The following EN2 variants were observed in gnomAD, a reference collection of about 807,000 sequenced individuals.
EN2 encodes homeobox protein engrailed-2.
In EN2, 7 loss-of-function variants were observed where a neutral mutation model predicts 25.0. The observed-to-expected ratio is 0.28, with a 90% CI of 0.16 to 0.53. The LOEUF (loss-of-function observed/expected upper bound fraction) is 0.53, where lower values mean the gene tolerates loss of function less well. Ranked by LOEUF, EN2 falls within the 20% of genes least tolerant of loss-of-function variation. The pLI is 0.96. For synonymous variants in EN2, 277 were observed against 243.3 expected, an observed-to-expected ratio of 1.14 and a Z score of -1.29; for missense variants, 524 against 501.8, an observed-to-expected ratio of 1.04 and a Z score of -0.42.
intron 1 of EN2, among the ~76,000 whole-genome samples, chr7:155,461,892 G>A (rs1357325346): frequency 6.6e-6 from 1 of 152,104 alleles, no homozygotes; most frequent in Non-Finnish European, 1.5e-5. Flanking sequence ...GGCACCCTGT[G>A]GGGTATCCCC....
At chr7:155,459,690 G>C (rs1157057397) in intron 1 of EN2, among the ~76,000 whole-genome samples, 2 of 152,246 alleles carry the variant, frequency 1.3e-5, no homozygotes, top group African/African-American at 4.8e-5. Context: ...TTTCCCCTTG[G>C]CTCCACTTTG....
At chr7:155,462,290 C>A in intron 1 of EN2, 81 bp from the exon 2 acceptor site, 1 of 1,491,258 alleles carries the variant, frequency 6.7e-7, no homozygotes, top group Non-Finnish European at 9.0e-7. Flanking sequence ...CCTCTTGGGG[C>A]CCCAGAATCC....
In EN2 at chr7:155,463,249, A is replaced by C. The variant is rs954588013; in HGVS notation, c.*562A>C. On this transcript the variant is annotated 3_prime_UTR_variant, in exon 2 of 2. Transcript: ENST00000297375. Reference sequence around the variant, plus strand: ...ACCTGGTGGGAGAGAGGGGACTTCCAGGGTCCTTGGGCCAGTTCTGGGATT... The same window carrying C: ...ACCTGGTGGGAGAGAGGGGACTTCCCGGGTCCTTGGGCCAGTTCTGGGATT... 3 of 153,018 alleles carry C rather than the reference A, an allele frequency of 2.0e-5. No homozygotes were observed. Among genetic ancestry groups the C allele is most frequent in the African/African-American group, 7.3e-5 (3 of 41,364 alleles). The allele number at this position is 153,018 out of a possible 1,614,324, so 9.5% of individuals were successfully genotyped here.
chr7:155,462,017 T>C (rs1406725416), intron 1 of EN2, among the ~76,000 whole-genome samples: 3 of 152,200 alleles, frequency 2.0e-5, no homozygotes, highest in African/African-American at 4.8e-5. Context: ...TCCCTGTTCC[T>C]GAACAGAGAG....
rs1795657955 is a variant in EN2, at chr7:155,458,701, T to A, written c.324T>A (p.Gly108=). The part of the protein sequence containing the change: ...GGAGGEGGAS[G]AEGGGGAGGS... ...CCGGCGGCGAAGGCGGCGCGAGCGG[T>A]GCGGAGGGAGGCGGCGGCGCGGGCG... The change falls in exon 1 of 2, where the codon GGT becomes GGA. Residue 108 remains glycine (G), a synonymous_variant. Transcript: ENST00000297375. 3.0e-6 allele frequency: 4 copies of A among 1,342,854 alleles called. No homozygotes were observed. The African/African-American group carries it at 6.3e-5, about 21-fold the overall frequency. 83.2% of individuals were successfully genotyped at this position (1,342,854 alleles called of 1,614,324 possible).
Position 155,463,002 on chromosome 7 carries a change from G to A in EN2, c.*315G>A. On this transcript the variant is annotated 3_prime_UTR_variant, in exon 2 of 2. Transcript: ENST00000297375. ...CCCCTAAGCTCCATTATATGACATT[G>A]GACACTTTTTTATTATTCCAAAAGA... 4.7e-6 allele frequency: 1 copy of A among 214,106 alleles called. No homozygotes were observed. Among genetic ancestry groups the A allele is most frequent in the Non-Finnish European group, 9.1e-6 (1 of 109,822 alleles). The allele number at this position is 214,106 out of a possible 1,614,324, so 13.3% of individuals were successfully genotyped here.
chr7:155,461,691 T>C (rs1317315756), intron 1 of EN2, among the ~76,000 whole-genome samples: 3 of 152,182 alleles, frequency 2.0e-5, no homozygotes, highest in Non-Finnish European at 4.4e-5. Context: ...GGTGAAGGAC[T>C]CACCCACTGT....
Position 155,463,130 on chromosome 7 carries a change from G to A in EN2, c.*443G>A, listed in dbSNP as rs1298255740. 2 of 155,774 alleles carry A rather than the reference G, an allele frequency of 1.3e-5. No individual in the cohort carries two copies. The highest frequency in any genetic ancestry group is 4.8e-5 in the African/African-American group (2 of 41,452). The allele number at this position is 155,774 out of a possible 1,614,324, so 9.6% of individuals were successfully genotyped here. ...AGCTCCTATTTGGTCTATGACTTCTGCCACTTTGTTTGTGTTGGCTTGGTG... is the reference window on the plus strand; with the variant it reads ...AGCTCCTATTTGGTCTATGACTTCTACCACTTTGTTTGTGTTGGCTTGGTG... On this transcript the variant is annotated 3_prime_UTR_variant, in exon 2 of 2. Coordinates refer to ENST00000297375, the MANE Select transcript of EN2 (RefSeq NM_001427.4).
rs1795716881 is a variant in EN2 at position 155,463,182 on chromosome 7, A to G, written c.*495A>G. The G allele has an allele frequency of 6.5e-6, 1 of 154,288 alleles. No homozygotes were observed. The highest frequency in any genetic ancestry group is 1.4e-5 in the Non-Finnish European group (1 of 69,306). The allele number at this position is 154,288 out of a possible 1,614,324, so 9.6% of individuals were successfully genotyped here. A position where few individuals can be genotyped will look rare whatever the true frequency, so the allele number is the denominator to read the frequency against. ...GGACAGCAGGAGGGGCCCACACCTC[A>G]AGCCTGGACCAGCCACCTCAAGGCC... On this transcript the variant is annotated 3_prime_UTR_variant, in exon 2 of 2. Coordinates refer to ENST00000297375, the MANE Select transcript of EN2 (RefSeq NM_001427.4).
In EN2 at chr7:155,458,203, G is replaced by C; in HGVS notation, c.-175G>C. On this transcript the variant is annotated 5_prime_UTR_variant, in exon 1 of 2. Transcript: ENST00000297375. ...TTCGTGGATTCAAAGGTGGCTCCGC[G>C]CCGAGCGCGGCCGGCGACTTGTAGG... 1 of 835,308 alleles carries C rather than the reference G, an allele frequency of 1.2e-6. No homozygotes were observed. Among genetic ancestry groups the C allele is most frequent in the Non-Finnish European group, 1.6e-6 (1 of 617,734 alleles). The allele number at this position is 835,308 out of a possible 1,614,324, so 51.7% of individuals were successfully genotyped here.
rs1195099084 is a variant in EN2 at position 155,462,673 on chromosome 7, T to A, written c.988T>A (p.Ser330Thr). 6.3e-7 allele frequency: 1 copy of A among 1,586,932 alleles called. No homozygotes were observed. The highest frequency in any genetic ancestry group is 8.6e-7 in the Non-Finnish European group (1 of 1,165,292). ...CTCCACCACAGCCAAGGAGGGCAAG[T>A]CGGACAGCGAGTAGGGCGGGGGGCA... The part of the protein sequence containing the change: ...NHSTTAKEGK[S>T]DSE The change falls in exon 2 of 2, where the codon TCG (serine) becomes ACG (threonine). Residue 330 changes from serine to threonine, a missense_variant. Ser to Thr is a moderately conservative substitution (Grantham distance 58, BLOSUM62 1). Coordinates refer to ENST00000297375, the MANE Select transcript of EN2 (RefSeq NM_001427.4).
rs3808329 is a variant in EN2, at chr7:155,463,391, A to G, written c.*704A>G. The G allele has an allele frequency of 0.22, 34,348 of 152,836 alleles. 4,695 individuals carry two copies. Among genetic ancestry groups the G allele is most frequent in the African/African-American group, 0.38 (15,604 of 41,312 alleles). The allele number at this position is 152,836 out of a possible 1,614,324, so 9.5% of individuals were successfully genotyped here. A position where few individuals can be genotyped will look rare whatever the true frequency, so the allele number is the denominator to read the frequency against. The stretch of plus-strand genomic sequence containing the variant: ...CGGCTCCCTCTCCTCACCCTCCTGC[A>G]CCTAACTCCCTCCTCCTTCTCCTTT... On this transcript the variant is annotated 3_prime_UTR_variant, in exon 2 of 2. Transcript: ENST00000297375.
intron 1 of EN2, among the ~76,000 whole-genome samples, chr7:155,459,651 C>T (rs1336129556): frequency 6.6e-6 from 1 of 152,258 alleles, no homozygotes; most frequent in Non-Finnish European, 1.5e-5. Context: ...GGAGGATGCA[C>T]ACAGGGAAGG....
chr7:155,461,756 C>G (rs1260016050), intron 1 of EN2, among the ~76,000 whole-genome samples: 1 of 152,194 alleles, frequency 6.6e-6, no homozygotes, highest in Non-Finnish European at 1.5e-5. Context: ...CTGACTCTTC[C>G]TTAAAGGAAT....
Position 155,458,652 on chromosome 7 carries a change from C to A in EN2, c.275C>A (p.Ala92Glu). ...RKDAGTCCAG[A>E]GGGRGGGAGG... ...GACGCGGGGACCTGCTGTGCGGGCG[C>A]GGGAGGAGGAAGGGGCGGCGGAGCC... The change falls in exon 1 of 2, where the codon GCG becomes GAG. Residue 92 changes from alanine (A) to glutamate (E), a missense_variant. Transcript: ENST00000297375. 1 of 1,401,814 alleles carries A rather than the reference C, an allele frequency of 7.1e-7. No homozygotes were observed. The highest frequency in any genetic ancestry group is 9.3e-7 in the Non-Finnish European group (1 of 1,077,496). The allele number at this position is 1,401,814 out of a possible 1,614,324, so 86.8% of individuals were successfully genotyped here.
chr7:155,462,365 A>T lies in EN2; in HGVS notation c.686-6A>T. 6.2e-7 allele frequency: 1 copy of T among 1,605,718 alleles called. No homozygotes were observed. Among genetic ancestry groups the T allele is most frequent in the African/African-American group, 1.3e-5 (1 of 74,448 alleles). On this transcript the variant is annotated splice_polypyrimidine_tract_variant and splice_region_variant and intron_variant, in intron 1 of 1. Coordinates refer to ENST00000297375, the MANE Select transcript of EN2 (RefSeq NM_001427.4). ...TGACTTCTCTCTGTCCACCGTATCT[A>T]CCCAGGTCCCAGGTCTCGAAAACCA...
rs911902548 is a variant in EN2 at position 155,463,933 on chromosome 7, G to T, written c.*1246G>T. 3.3e-5 allele frequency: 5 copies of T among 150,362 alleles called. No homozygotes were observed. In the East Asian group the frequency reaches 9.8e-4, roughly 29 times the overall value. 9.3% of individuals were successfully genotyped at this position (150,362 alleles called of 1,614,324 possible). ...TTCTTTTCTTGGAGTGGCTGCTTCT[G>T]CTATAGAGAACATTCTTCCAAGATA... On this transcript the variant is annotated 3_prime_UTR_variant, in exon 2 of 2. Transcript: ENST00000297375.
rs1795737335 is a variant in EN2, at chr7:155,464,516, A to C, written c.*1829A>C. On this transcript the variant is annotated 3_prime_UTR_variant, in exon 2 of 2. Transcript: ENST00000297375. ...ATAGTGTAAACCTTTTTAAAAAGGAAAGTATAAAAACAAAAGTTGTAATTT... is the reference window on the plus strand; with the variant it reads ...ATAGTGTAAACCTTTTTAAAAAGGACAGTATAAAAACAAAAGTTGTAATTT... The C allele has an allele frequency of 6.5e-6, 1 of 152,680 alleles. No homozygotes were observed. The highest frequency in any genetic ancestry group is 6.5e-5 in the Admixed American group (1 of 15,292). 9.5% of individuals were successfully genotyped at this position (152,680 alleles called of 1,614,324 possible).
rs1261696259 is a variant in EN2 at position 155,464,683 on chromosome 7, A to AAAT, written c.*1998_*2000dup. 1 of 152,638 alleles carries AAAT rather than the reference A, an allele frequency of 6.6e-6. No individual in the cohort carries two copies. Among genetic ancestry groups the AAAT allele is most frequent in the Non-Finnish European group, 1.5e-5 (1 of 68,048 alleles). 9.5% of individuals were successfully genotyped at this position (152,638 alleles called of 1,614,324 possible). A position where few individuals can be genotyped will look rare whatever the true frequency, so the allele number is the denominator to read the frequency against. ...ATGTGCATTTTACAGTTCCAGTATC[A>AAAT]AATATTTATAATCTTATGAGAAATG... is the stretch of plus-strand genomic sequence containing the variant. On this transcript the variant is annotated 3_prime_UTR_variant, in exon 2 of 2. Transcript: ENST00000297375.
Sources: allele counts gnomAD v4.1 joint callset (sites outside exome capture counted in the v4.1 genomes callset), GRCh38; gene constraint gnomAD v4.1.1; transcripts MANE v1.5; gene names NCBI Gene and HGNC (gene_info 2026-07-23, HGNC 2026-07-21).